C22orf23: variants seen among roughly 807,000 people sequenced by gnomAD.
C22orf23 encodes the protein UPF0193 protein EVG1.
A neutral mutation model predicts 29.7 loss-of-function variants in C22orf23; 30 were observed. The ratio of observed to expected loss-of-function variants is 1.01; its 90% CI spans 0.76 to 1.37. The LOEUF (loss-of-function observed/expected upper bound fraction) is 1.37. Ranked by LOEUF, C22orf23 falls within the 40% of genes most tolerant of loss-of-function variation. The probability of loss-of-function intolerance (pLI) is 0.00; values close to 1 mark genes in which losing one functional copy is unlikely to be tolerated. For missense variants in C22orf23, 237 were observed against 273.1 expected (o/e 0.87, Z 0.93); for synonymous variants, 90 against 96.1 (o/e 0.94, Z 0.37).
Position 37,944,438 on chromosome 22 carries a change from G to T in C22orf23, c.561C>A (p.Ile187=), listed in dbSNP as rs200118186. The change falls in exon 6 of 7, where the codon ATC becomes ATA. Residue 187 remains isoleucine, a synonymous_variant. Transcript: ENST00000403305. ...CTACCTGGGAGATTTCAGCAAGGATGATTCCTCGGTACTGTTTGCCCTGTC... is the reference window on the plus strand; with the variant it reads ...CTACCTGGGAGATTTCAGCAAGGATTATTCCTCGGTACTGTTTGCCCTGTC... ...ALGQGKQYRG[I]ILAEISQKLR... 1 of 1,614,206 alleles carries T rather than the reference G, an allele frequency of 6.2e-7. No homozygotes were observed. Among genetic ancestry groups the T allele is most frequent in the East Asian group, 2.2e-5 (1 of 44,890 alleles).
chr22:37,951,377 C>A, intron 3 of C22orf23, 83 bp downstream of exon 3: 1 of 1,224,088 alleles, frequency 8.2e-7, no homozygotes, highest in East Asian at 2.4e-5. Context: ...TATATGAGGT[C>A]CTCTCTCCCT....
chr22:37,947,501 GCTTTT>G, intron 3 of C22orf23, 38 bp from the exon 4 acceptor site: 3 of 974,098 alleles, frequency 3.1e-6, no homozygotes, highest in Non-Finnish European at 4.1e-6. Context: ...GACCCACATG[GCTTTT>G]TTTTTTTTTT....
chr22:37,947,565 C>T (rs2145698821), intron 3 of C22orf23, 102 bp from the exon 4 acceptor site: 3 of 1,008,114 alleles, frequency 3.0e-6, no homozygotes, highest in Non-Finnish European at 4.1e-6. Flanking sequence ...GGCTGGAGTG[C>T]AGCGGCGCGA....
At chr22:37,945,240 C>G in intron 4 of C22orf23, 67 bp from the exon 5 acceptor site, 2 of 1,557,164 alleles carry the variant, frequency 1.3e-6, no homozygotes, top group Non-Finnish European at 8.7e-7. Context: ...GTCTGTGTTC[C>G]CAAGTGCACG....
At chr22:37,946,183 T>G (rs1038138154) in intron 4 of C22orf23, among the ~76,000 whole-genome samples, 1 of 149,484 alleles carries the variant, frequency 6.7e-6, no homozygotes, top group African/African-American at 2.5e-5. Flanking sequence ...GGCGTGAACC[T>G]GGGAGGTGGA....
intron 2 of C22orf23, chr22:37,951,827 T>TTTTTTGTTTTTG (rs1569158369): frequency 7.1e-6 from 1 of 141,814 alleles, no homozygotes; most frequent in Non-Finnish European, 1.4e-5. Context: ...TTTTTTTTTT[T>TTTTTTGTTTTTG]TTTTTGAGAT....
Position 37,947,410 on chromosome 22 carries a change from G to A in C22orf23, c.220C>T (p.Pro74Ser). 2 of 1,612,308 alleles carry A rather than the reference G, an allele frequency of 1.2e-6. No individual in the cohort carries two copies. The highest frequency in any genetic ancestry group is 1.7e-6 in the Non-Finnish European group (2 of 1,179,042). ...ATGGGCGAGGCTATTTGCTTGGAAG[G>A]TAAGACTCTCTGGCTGGATGTTGGG... ...CSPTSSQRVL[P>S]SKQIASPIYL... Residue 74 changes from proline to serine, a missense_variant, in exon 4 of 7, where the codon CCT (proline) becomes TCT (serine). Transcript: ENST00000403305.
intron 2 of C22orf23, chr22:37,952,794 G>T: frequency 2.5e-6 from 1 of 392,172 alleles, no homozygotes; most frequent in East Asian, 5.1e-5. Flanking sequence ...GCAGGCTAGC[G>T]AGCCTCACCG....
At chr22:37,945,801 T>C (rs1300094203) in intron 4 of C22orf23, among the ~76,000 whole-genome samples, 2 of 121,958 alleles carry the variant, frequency 1.6e-5, no homozygotes, top group African/African-American at 6.3e-5. Flanking sequence ...CTGACCGATA[T>C]CCTATCTCTA....
chr22:37,946,685 G>C (rs1341422042), intron 4 of C22orf23, among the ~76,000 whole-genome samples: 1 of 150,128 alleles, frequency 6.7e-6, no homozygotes, highest in Non-Finnish European at 1.5e-5. Flanking sequence ...TTCAAGACCA[G>C]CCTGGCCAAC....
At chr22:37,946,900 G>T (rs1337842020) in intron 4 of C22orf23, among the ~76,000 whole-genome samples, 4 of 146,130 alleles carry the variant, frequency 2.7e-5, no homozygotes, top group East Asian at 2.0e-4. Flanking sequence ...AAAAAGTTTT[G>T]TCAAAACTTA....
Position 37,953,110 on chromosome 22 carries a change from T to A in C22orf23, c.40A>T (p.Thr14Ser). Residue 14 changes from threonine to serine, a missense_variant, in exon 2 of 7, where the codon ACT becomes TCT. Thr to Ser is a moderately conservative substitution (Grantham distance 58, BLOSUM62 1). Transcript: ENST00000403305. ...QKQMEVVTKG[T>S]GFRRRPKTIT... is the part of the protein sequence containing the mutation. ...GTCTTGGGGCGGCGCCGGAACCCAG[T>A]TCCTTTGGTCACTACCTCCATCTGC... 1 of 1,613,838 alleles carries A rather than the reference T, an allele frequency of 6.2e-7. No homozygotes were observed. The highest frequency in any genetic ancestry group is 8.5e-7 in the Non-Finnish European group (1 of 1,179,898).
intron 2 of C22orf23, among the ~76,000 whole-genome samples, chr22:37,952,228 T>C (rs2145715623): frequency 6.6e-6 from 1 of 152,290 alleles, no homozygotes; most frequent in Non-Finnish European, 1.5e-5. Context: ...CATGAATACT[T>C]GTTCATCATG....
Position 37,943,948 on chromosome 22 carries a change from C to T in C22orf23, c.*227G>A. On this transcript the variant is annotated 3_prime_UTR_variant, in exon 7 of 7. Coordinates refer to ENST00000403305, the MANE Select transcript of C22orf23 (RefSeq NM_032561.5). ...ACATGTCCTAGTAGGGATGCTCGGG[C>T]TTTGCTTCTCTGCGGACGGGGCTGT... 1 of 597,478 alleles carries T rather than the reference C, an allele frequency of 1.7e-6. No individual in the cohort carries two copies. Among genetic ancestry groups the T allele is most frequent in the South Asian group, 2.0e-5 (1 of 50,772 alleles). The allele number at this position is 597,478 out of a possible 1,614,324, so 37.0% of individuals were successfully genotyped here.
At chr22:37,953,643 G>C (rs1182284369), upstream of C22orf23, 7 of 988,086 alleles carry the variant, frequency 7.1e-6, no homozygotes, top group Non-Finnish European at 1.0e-5. Context: ...CACTTTCCCC[G>C]CTCTGTCCTG....
intron 2 of C22orf23, among the ~76,000 whole-genome samples, chr22:37,952,439 A>G (rs917134463): frequency 6.6e-6 from 1 of 152,100 alleles, no homozygotes; most frequent in African/African-American, 2.4e-5. Flanking sequence ...GGGAAAGTTG[A>G]AAGTGTGATC....
chr22:37,952,965 C>T, intron 2 of C22orf23, 82 bp downstream of exon 2: 1 of 966,526 alleles, frequency 1.0e-6, no homozygotes, highest in Non-Finnish European at 1.6e-6. Flanking sequence ...ATTCCCCACA[C>T]CTCCGTCAGT....
In C22orf23 at chr22:37,953,302, C is replaced by T. The variant is rs554746927; in HGVS notation, c.-9-144G>A. On this transcript the variant is annotated intron_variant, in intron 1 of 6. Transcript: ENST00000403305. ...AGTTAATATTGCGACAGTGCCCAAACCTCCCATCCAGACACACAGATACAC... is the reference window on the plus strand; with the variant it reads ...AGTTAATATTGCGACAGTGCCCAAATCTCCCATCCAGACACACAGATACAC... 1.5e-4 allele frequency: 93 copies of T among 615,678 alleles called. 1 individual carries two copies. Among genetic ancestry groups the T allele is most frequent in the African/African-American group, 9.8e-4 (53 of 54,226 alleles). 38.1% of individuals were successfully genotyped at this position (615,678 alleles called of 1,614,324 possible).
chr22:37,953,631 C>A, upstream of C22orf23: 1 of 847,694 alleles, frequency 1.2e-6, no homozygotes, highest in Non-Finnish European at 1.8e-6. Context: ...TCAGCGCATG[C>A]GCACTTTCCC....
Sources: allele counts gnomAD v4.1 joint callset (sites outside exome capture counted in the v4.1 genomes callset), GRCh38; gene constraint gnomAD v4.1.1; transcripts MANE v1.5; gene names NCBI Gene and HGNC (gene_info 2026-07-23, HGNC 2026-07-21).